The following SLC36A3 variants were observed in gnomAD, a reference collection of about 807,000 sequenced individuals.
SLC36A3 encodes solute carrier family 36 member 3, also known as proton-coupled amino acid transporter 3.
A neutral mutation model predicts 44.3 loss-of-function variants in SLC36A3; 35 were observed. The observed-to-expected ratio is 0.79, with a 90% CI of 0.60 to 1.05. The LOEUF is 1.05. Ranked by LOEUF, SLC36A3 falls within the 50% of genes least tolerant of loss-of-function variation. The probability of loss-of-function intolerance (pLI) is 0.00; values close to 1 mark genes in which losing one functional copy is unlikely to be tolerated. For missense variants in SLC36A3, 540 were observed against 578.7 expected (o/e 0.93, Z 0.69); for synonymous variants, 211 against 227.6 (o/e 0.93, Z 0.66).
Position 151,281,273 on chromosome 5 carries a change from T to C in SLC36A3, c.975-90A>G, listed in dbSNP as rs1040545905. On this transcript the variant is annotated intron_variant, in intron 8 of 9. Transcript: ENST00000335230. ...CTTACTGCTCAGAAGCTGGTATGGG[T>C]TGAGTATCCCTAATCCAAAACAAAA... 3 of 1,320,386 alleles carry C rather than the reference T, an allele frequency of 2.3e-6. No homozygotes were observed. In the African/African-American group the frequency reaches 4.5e-5, roughly 20 times the overall value. 81.8% of individuals were successfully genotyped at this position (1,320,386 alleles called of 1,614,324 possible).
chr5:151,285,272 C>T (rs886913425), intron 6 of SLC36A3, among the ~76,000 whole-genome samples: 4 of 152,196 alleles, frequency 2.6e-5, no homozygotes, highest in South Asian at 2.1e-4. Context: ...GACACCAAAT[C>T]GTGTTCATCC....
intron 5 of SLC36A3, among the ~76,000 whole-genome samples, chr5:151,287,982 A>G (rs371049561): frequency 2.0e-5 from 3 of 152,236 alleles, no homozygotes; most frequent in African/African-American, 7.2e-5. Context: ...CAAAGCCAAG[A>G]AAGAAGGCTG....
Position 151,302,138 on chromosome 5 carries a change from G to A in SLC36A3, c.128+1089C>T, listed in dbSNP as rs551631939. On this transcript the variant is annotated intron_variant, in intron 1 of 9. Coordinates refer to ENST00000335230, the MANE Select transcript of SLC36A3 (RefSeq NM_181774.4). ...TGCTGTCAGTTTTGTGTGTGTGCAC[G>A]AGTTGTATACTTTCAGACAGCATTT... Among the ~76,000 whole-genome samples, 5 of 152,160 alleles carry A rather than the reference G, an allele frequency of 3.3e-5. No homozygotes were observed. The East Asian group carries it at 5.8e-4, about 18-fold the overall frequency.
At chr5:151,300,888 A>C (rs2346337) in intron 1 of SLC36A3, among the ~76,000 whole-genome samples, 13 of 152,240 alleles carry the variant, frequency 8.5e-5, no homozygotes, top group African/African-American at 3.1e-4. Context: ...GAGAACCGCT[A>C]TGCATGCTGG....
Position 151,287,282 on chromosome 5 carries a change from A to C in SLC36A3, c.672T>G (p.Leu224=), listed in dbSNP as rs6579846. 0.12 allele frequency: 200,835 copies of C among 1,613,840 alleles called. 14,881 individuals carry two copies. The highest frequency in any genetic ancestry group is 0.3 in the African/African-American group (22,149 of 74,882). Residue 224 remains leucine, a synonymous_variant, in exon 6 of 10, where the codon CTT becomes CTG. Transcript: ENST00000335230. ...VFSTLANITT[L]GSMALIFEYI... ...ACTCAAAGATCAGAGCCATGCTCCC[A>C]AGGGTGGTGATGTTGGCCAATGTCG...
intron 9 of SLC36A3, among the ~76,000 whole-genome samples, chr5:151,280,226 A>AGGC (rs1437024432): frequency 2.0e-5 from 3 of 152,186 alleles, no homozygotes; most frequent in Non-Finnish European, 4.4e-5. Context: ...AGGCTGAGGC[A>AGGC]GGCAGATCAC....
chr5:151,284,743 T>G, intron 6 of SLC36A3, 32 bp from the exon 7 acceptor site: 1 of 1,561,178 alleles, frequency 6.4e-7, no homozygotes, highest in South Asian at 1.1e-5. Flanking sequence ...ACATTGGTGT[T>G]GTTATGGTGT....
At chr5:151,289,691 C>T (rs996998946) in intron 4 of SLC36A3, among the ~76,000 whole-genome samples, 3 of 152,054 alleles carry the variant, frequency 2.0e-5, no homozygotes, top group Non-Finnish European at 4.4e-5. Context: ...TATAGAACGC[C>T]CCACATTGCG....
At chr5:151,286,394 G>A (rs946714894) in intron 6 of SLC36A3, among the ~76,000 whole-genome samples, 2 of 152,160 alleles carry the variant, frequency 1.3e-5, no homozygotes, top group Non-Finnish European at 2.9e-5. Context: ...ATGGGCTCAG[G>A]TGATCCATCC....
chr5:151,288,474 G>C lies in SLC36A3; in HGVS notation c.405-4C>G. On this transcript the variant is annotated splice_polypyrimidine_tract_variant and splice_region_variant and intron_variant, in intron 4 of 9. Transcript: ENST00000335230. The stretch of plus-strand genomic sequence containing the variant: ...TAATAAGAAGCTGACAGTGTACCTG[G>C]GAAGGAAAGGAAGAGGCAGACAGAG... The C allele has an allele frequency of 1.3e-6, 2 of 1,539,134 alleles. No individual in the cohort carries two copies. The highest frequency in any genetic ancestry group is 1.8e-6 in the Non-Finnish European group (2 of 1,139,264).
rs749328218 is a variant in SLC36A3 at position 151,284,028 on chromosome 5, G to T, written c.974+16C>A. 1.9e-6 allele frequency: 3 copies of T among 1,599,094 alleles called. No individual in the cohort carries two copies. In the East Asian group the frequency reaches 6.7e-5, roughly 36 times the overall value. On this transcript the variant is annotated intron_variant, in intron 8 of 9. Coordinates refer to ENST00000335230, the MANE Select transcript of SLC36A3 (RefSeq NM_181774.4). Reference sequence around the variant, plus strand: ...CAGTGTCTCTCCCTATCTCACCTGAGGTGGGCAGGACATACCAGCAATTGG... The same window carrying T: ...CAGTGTCTCTCCCTATCTCACCTGATGTGGGCAGGACATACCAGCAATTGG...
rs1176183213 is a variant in SLC36A3 at position 151,288,466 on chromosome 5, T to C, written c.409A>G (p.Thr137Ala). Residue 137 changes from threonine (T) to alanine (A), a missense_variant, in exon 5 of 10, where the codon ACT (threonine) becomes GCT (alanine). By Grantham distance (58) the Thr-to-Ala change is moderately conservative (BLOSUM62 0). Coordinates refer to ENST00000335230, the MANE Select transcript of SLC36A3 (RefSeq NM_181774.4). ...LRAHAVWGRYTVSFLLVITQL... is the reference protein window; with the variant it reads ...LRAHAVWGRYAVSFLLVITQL... ...GTGATGACTAATAAGAAGCTGACAG[T>C]GTACCTGGGAAGGAAAGGAAGAGGC... is the stretch of plus-strand genomic sequence containing the variant. 6.4e-7 allele frequency: 1 copy of C among 1,561,742 alleles called. No individual in the cohort carries two copies.
chr5:151,303,389 G>A lies in SLC36A3; in HGVS notation c.-35C>T. ...GGTGGGTAGGTGGCAGAGGCTCAGG[G>A]TTAAGGCTCTGAATGAGCCTCTGAT... On this transcript the variant is annotated 5_prime_UTR_variant, in exon 1 of 10. Coordinates refer to ENST00000335230, the MANE Select transcript of SLC36A3 (RefSeq NM_181774.4). 1.3e-6 allele frequency: 2 copies of A among 1,597,090 alleles called. No individual in the cohort carries two copies. Among genetic ancestry groups the A allele is most frequent in the Non-Finnish European group, 1.7e-6 (2 of 1,169,202 alleles).
intron 9 of SLC36A3, among the ~76,000 whole-genome samples, chr5:151,278,572 A>G (rs1223122185): frequency 1.3e-5 from 2 of 152,196 alleles, no homozygotes; most frequent in Non-Finnish European, 2.9e-5. Flanking sequence ...TGGGATATCC[A>G]TTACTTAAAA....
At chr5:151,293,018 C>T (rs759356339) in intron 4 of SLC36A3, among the ~76,000 whole-genome samples, 8 of 151,714 alleles carry the variant, frequency 5.3e-5, no homozygotes, top group Non-Finnish European at 1.0e-4. Context: ...TTTATATGTT[C>T]CAACATGAAA....
At chr5:151,277,724 G>A in intron 9 of SLC36A3, 63 bp from the exon 10 acceptor site, 1 of 1,550,430 alleles carries the variant, frequency 6.4e-7, no homozygotes, top group African/African-American at 1.4e-5. Flanking sequence ...TTGCTTTGGA[G>A]CCCTAGAATT....
Position 151,293,754 on chromosome 5 carries a change from G to A in SLC36A3, c.309-295C>T, listed in dbSNP as rs1184198863. 2.6e-5 allele frequency among the ~76,000 whole-genome samples: 4 copies of A among 152,356 alleles called. No individual in the cohort carries two copies. In the East Asian group the frequency reaches 5.8e-4, roughly 22 times the overall value. Reference sequence around the variant, plus strand: ...TGCAAAGCAGGAAAGGGGATATGGAGGGGGAGAGGAGGAGGGAGGGGAAGA... The same window carrying A: ...TGCAAAGCAGGAAAGGGGATATGGAAGGGGAGAGGAGGAGGGAGGGGAAGA... On this transcript the variant is annotated intron_variant, in intron 3 of 9. Transcript: ENST00000335230.
At chr5:151,278,055 C>G (rs899711209) in intron 9 of SLC36A3, among the ~76,000 whole-genome samples, 3 of 152,138 alleles carry the variant, frequency 2.0e-5, no homozygotes, top group African/African-American at 4.8e-5. Context: ...TATGCTGCCT[C>G]TCATGTGTAA....
chr5:151,278,981 A>G (rs1754207514), intron 9 of SLC36A3, among the ~76,000 whole-genome samples: 1 of 152,150 alleles, frequency 6.6e-6, no homozygotes, highest in African/African-American at 2.4e-5. Flanking sequence ...GCATGGCCCA[A>G]ACTCCTCAGC....
Sources: gnomAD v4.1 joint callset for allele counts (sites outside exome capture counted in the v4.1 genomes callset) on GRCh38, gnomAD v4.1.1 for gene constraint, MANE v1.5 for transcripts, NCBI Gene and HGNC (gene_info 2026-07-23, HGNC 2026-07-21) for gene names.